Variants in ASIP observed in about 807,000 individuals in gnomAD.
ASIP encodes the protein agouti signaling protein, also known as agouti-signaling protein.
Under a neutral mutation model 10.3 loss-of-function variants are expected in ASIP, and 11 were observed. That is an observed-to-expected ratio of 1.07 (90% confidence interval 0.68 to 1.78). ASIP has a LOEUF of 1.78. ASIP is among the 40% of genes most tolerant of loss of function. The pLI, the probability that ASIP is intolerant of heterozygous loss-of-function variation, is 0.00. For missense variants in ASIP, 180 were observed against 169.2 expected, an observed-to-expected ratio of 1.06 and a Z score of -0.35; for synonymous variants, 70 against 70.8, an observed-to-expected ratio of 0.99 and a Z score of 0.06.
rs973159576 is a variant in ASIP at position 34,254,447 on chromosome 20, C to T, written c.-10-5918C>T. Reference sequence around the variant, plus strand: ...AACAAGGTCTGTACAGATCCAAAAACGTTTACCTGTAATTGCAAAATCCCA... The same window carrying T: ...AACAAGGTCTGTACAGATCCAAAAATGTTTACCTGTAATTGCAAAATCCCA... On this transcript the variant is annotated intron_variant, in intron 1 of 3. Transcript: ENST00000374954. Among the ~76,000 whole-genome samples, 10 of 152,276 alleles carry T rather than the reference C, an allele frequency of 6.6e-5. No homozygotes were observed. The East Asian group carries it at 1.7e-3, about 26-fold the overall frequency.
intron 1 of ASIP, among the ~76,000 whole-genome samples, chr20:34,218,047 A>G (rs1462363307): frequency 6.6e-6 from 1 of 152,234 alleles, no homozygotes. Context: ...CTGTTTTTAA[A>G]AAGTGCTAAT....
chr20:34,235,898 GA>G lies in ASIP; in HGVS notation c.-10-24464del, dbSNP rs1412177871. On this transcript the variant is annotated intron_variant, in intron 1 of 3. Coordinates refer to the ASIP transcript ENST00000568305. Reference sequence around the variant, plus strand: ...GGAAGGAAGGAAGGAAGGAAGGAAGGAAAGGAAGGAAGGAAGGAAGGAAGGA... The same window carrying G: ...GGAAGGAAGGAAGGAAGGAAGGAAGGAAGGAAGGAAGGAAGGAAGGAAGGA... Among the ~76,000 whole-genome samples the G allele has an allele frequency of 5.6e-3, 451 of 80,830 alleles. 87 individuals are homozygous for G. The highest frequency in any genetic ancestry group is 0.04 in the African/African-American group (375 of 9,490). 53.0% of individuals were successfully genotyped at this position (80,830 alleles called of 152,430 possible). A position where few individuals can be genotyped will look rare whatever the true frequency, so the allele number is the denominator to read the frequency against.
chr20:34,257,699 CCT>C (rs1225004954), intron 1 of ASIP, among the ~76,000 whole-genome samples: 1 of 152,088 alleles, frequency 6.6e-6, no homozygotes, highest in African/African-American at 2.4e-5. Flanking sequence ...TGTAATTTTT[CCT>C]CTGCCTCCAC....
At chr20:34,187,820 C>G in the ASIP span, among the ~76,000 whole-genome samples, 2 of 152,184 alleles carry the variant, frequency 1.3e-5, no homozygotes, top group Non-Finnish European at 2.9e-5. Flanking sequence ...TGGAGTTACT[C>G]TATCACTTGA....
chr20:34,254,378 G>A (rs1281491665), intron 1 of ASIP, among the ~76,000 whole-genome samples: 1 of 152,196 alleles, frequency 6.6e-6, no homozygotes, highest in Non-Finnish European at 1.5e-5. Flanking sequence ...TTATTGTCCT[G>A]TATTAATAGC....
At chr20:34,192,252 A>G (rs1191100534), upstream of ASIP, among the ~76,000 whole-genome samples, 2 of 151,756 alleles carry the variant, frequency 1.3e-5, no homozygotes, top group African/African-American at 2.4e-5. Context: ...GCTGGTCTCA[A>G]GCCCCCGACC....
chr20:34,198,767 C>T (rs977729201), intron 1 of ASIP, among the ~76,000 whole-genome samples: 2 of 152,206 alleles, frequency 1.3e-5, no homozygotes, highest in African/African-American at 4.8e-5. Flanking sequence ...GTCTGAGCCA[C>T]CATGCCTAGC....
chr20:34,215,085 T>C (rs2034998582), intron 1 of ASIP: 3 of 1,563,038 alleles, frequency 1.9e-6, no homozygotes, highest in Non-Finnish European at 1.8e-6. Flanking sequence ...ACTGTAATAC[T>C]TGACACAAAG....
upstream of ASIP, among the ~76,000 whole-genome samples, chr20:34,238,765 G>A (rs1007425994): frequency 1.3e-5 from 2 of 152,000 alleles, no homozygotes; most frequent in Admixed American, 6.6e-5. Flanking sequence ...TAATAATGTG[G>A]TAACTCTAGA....
At chr20:34,223,601 G>A (rs1313229920) in intron 1 of ASIP, among the ~76,000 whole-genome samples, 2 of 139,866 alleles carry the variant, frequency 1.4e-5, no homozygotes, top group Non-Finnish European at 3.0e-5. Flanking sequence ...AGGTGGGGGG[G>A]TCAGCCCCCC....
chr20:34,189,969 G>A (rs1418490254), upstream of ASIP, among the ~76,000 whole-genome samples: 1 of 152,214 alleles, frequency 6.6e-6, no homozygotes, highest in Non-Finnish European at 1.5e-5. Context: ...CAGGCAGGCT[G>A]CATCTGCTTC....
chr20:34,248,066 C>T (rs2122624270), intron 1 of ASIP, among the ~76,000 whole-genome samples: 1 of 152,182 alleles, frequency 6.6e-6, no homozygotes, highest in East Asian at 1.9e-4. Context: ...ATTAGCCTGG[C>T]ATGGTGATGG....
chr20:34,222,909 C>T (rs890689745), intron 1 of ASIP, among the ~76,000 whole-genome samples: 22 of 151,998 alleles, frequency 1.4e-4, no homozygotes, highest in African/African-American at 5.3e-4. Context: ...GGATTGCAGA[C>T]GGAGTCTCGT....
At chr20:34,189,938 T>G (rs150325213), upstream of ASIP, among the ~76,000 whole-genome samples, 739 of 152,292 alleles carry the variant, frequency 4.9e-3, 2 homozygotes, top group Admixed American at 8.9e-3. Flanking sequence ...GGTGGACTGC[T>G]GCCTGTAGGA....
Position 34,235,899 on chromosome 20 carries a change from A to AAGGAGGAGGGAGGGAAGAATG in ASIP, c.-10-24465_-10-24464insGGAGGAGGGAGGGAAGAATGA, listed in dbSNP as rs1491250719. 2.6e-3 allele frequency among the ~76,000 whole-genome samples: 166 copies of AAGGAGGAGGGAGGGAAGAATG among 64,274 alleles called. 14 individuals carry two copies. Among genetic ancestry groups the AAGGAGGAGGGAGGGAAGAATG allele is most frequent in the African/African-American group, 0.019 (75 of 3,964 alleles). The allele number at this position is 64,274 out of a possible 152,430, so 42.2% of individuals were successfully genotyped here. On this transcript the variant is annotated intron_variant, in intron 1 of 3. Coordinates refer to the ASIP transcript ENST00000568305. ...GAAGGAAGGAAGGAAGGAAGGAAGG[A>AAGGAGGAGGGAGGGAAGAATG]AAGGAAGGAAGGAAGGAAGGAAGGA...
intron 1 of ASIP, among the ~76,000 whole-genome samples, chr20:34,208,529 AT>A (rs1278527658): frequency 1.3e-5 from 2 of 151,778 alleles, no homozygotes; most frequent in African/African-American, 2.4e-5. Context: ...TAATTTTTTT[AT>A]TTTTTGAAGA....
upstream of ASIP, among the ~76,000 whole-genome samples, chr20:34,238,831 A>C (rs1481640401): frequency 6.6e-6 from 1 of 151,746 alleles, no homozygotes; most frequent in Non-Finnish European, 1.5e-5. Context: ...GTTTTTTGTT[A>C]TTGTTGATGT....
In ASIP at chr20:34,220,952, T is replaced by C. The variant is rs1489893308; in HGVS notation, c.-11+26192T>C. ...TGTTTTTCTTCCTTTCTTCTTTCCT[T>C]CTTTTTTTTTTTTTTTTTTTTTTTC... On this transcript the variant is annotated intron_variant, in intron 1 of 3. Coordinates refer to the ASIP transcript ENST00000568305. Among the ~76,000 whole-genome samples the C allele has an allele frequency of 2.8e-5, 4 of 143,674 alleles. No individual in the cohort carries two copies. In the South Asian group the frequency reaches 6.4e-4, roughly 23 times the overall value. The allele number at this position is 143,674 out of a possible 152,430, so 94.3% of individuals were successfully genotyped here. A position where few individuals can be genotyped will look rare whatever the true frequency, so the allele number is the denominator to read the frequency against.
Position 34,241,453 on chromosome 20 carries a change from G to A in ASIP, c.-47G>A. ...ATCTCTACAGCTGCAAGGTGAAAAA[G>A]GAAGTTCCTTGGCCTGGGCTCTTTG... is the stretch of plus-strand genomic sequence containing the variant. On this transcript the variant is annotated 5_prime_UTR_variant, in exon 1 of 4. Coordinates refer to ENST00000374954, the MANE Select transcript of ASIP (RefSeq NM_001672.3). The A allele has an allele frequency of 1.0e-6, 1 of 985,454 alleles. No homozygotes were observed. Among genetic ancestry groups the A allele is most frequent in the South Asian group, 4.7e-5 (1 of 21,290 alleles). The allele number at this position is 985,454 out of a possible 1,614,324, so 61.0% of individuals were successfully genotyped here. A position where few individuals can be genotyped will look rare whatever the true frequency, so the allele number is the denominator to read the frequency against.
Sources: allele counts gnomAD v4.1 joint callset (sites outside exome capture counted in the v4.1 genomes callset), GRCh38; gene constraint gnomAD v4.1.1; transcripts MANE v1.5; gene names NCBI Gene and HGNC (gene_info 2026-07-23, HGNC 2026-07-21).